Variants in MPP7 observed in about 807,000 individuals in gnomAD.
MPP7 encodes the protein MAGUK p55 scaffold protein 7, also known as MAGUK p55 subfamily member 7.
A neutral mutation model predicts 76.5 loss-of-function variants in MPP7; 60 were observed. The observed-to-expected ratio is 0.78, with a 90% CI of 0.64 to 0.97. The LOEUF (loss-of-function observed/expected upper bound fraction) is 0.97, where lower values mean the gene tolerates loss of function less well. MPP7 is among the 50% of genes least tolerant of loss of function. MPP7 has a pLI of 0.00. For synonymous variants in MPP7, 237 were observed against 244.5 expected (o/e 0.97, Z 0.29); for missense variants, 641 against 694.0 (o/e 0.92, Z 0.86).
intron 1 of MPP7, among the ~76,000 whole-genome samples, chr10:28,299,496 C>G (rs528336590): frequency 2.6e-4 from 40 of 152,242 alleles, no homozygotes; most frequent in Non-Finnish European, 3.5e-4. Flanking sequence ...TCAAAGATCA[C>G]TGACCAGAGA....
chr10:28,279,262 T>C (rs1840595919), intron 1 of MPP7, among the ~76,000 whole-genome samples: 1 of 152,022 alleles, frequency 6.6e-6, no homozygotes, highest in Admixed American at 6.6e-5. Flanking sequence ...CCCAAATAAA[T>C]CCATGCCTTC....
chr10:28,112,351 C>T (rs899302285), intron 11 of MPP7, among the ~76,000 whole-genome samples: 1 of 152,032 alleles, frequency 6.6e-6, no homozygotes, highest in African/African-American at 2.4e-5. Context: ...ATACTACACC[C>T]TCGATTAAAG....
intron 2 of MPP7, among the ~76,000 whole-genome samples, chr10:28,216,709 A>C (rs1838321311): frequency 6.6e-6 from 1 of 152,236 alleles, no homozygotes; most frequent in Non-Finnish European, 1.5e-5. Flanking sequence ...GGGCTTATTG[A>C]AACAATTATT....
chr10:28,096,253 TAATATC>T (rs891967009), intron 11 of MPP7, among the ~76,000 whole-genome samples: 3 of 152,192 alleles, frequency 2.0e-5, no homozygotes, highest in Non-Finnish European at 4.4e-5. Context: ...TCGGATTGAT[TAATATC>T]AATATCCATT....
chr10:28,271,713 C>T lies in MPP7; in HGVS notation c.-132+31148G>A, dbSNP rs896039194. On this transcript the variant is annotated intron_variant, in intron 1 of 16. Coordinates refer to ENST00000683449, the MANE Select transcript of MPP7 (RefSeq NM_001318170.2). ...CTGTGAGGCCTGGGGCAGTGGCTCA[C>T]GCCTGTAATCCCAGCACTTTGGGAG... Among the ~76,000 whole-genome samples, 4 of 152,130 alleles carry T rather than the reference C, an allele frequency of 2.6e-5. No homozygotes were observed. The South Asian group carries it at 6.2e-4, about 24-fold the overall frequency.
In MPP7 at chr10:28,191,022, T is replaced by C. The variant is rs182280140; in HGVS notation, c.156+11131A>G. Among the ~76,000 whole-genome samples, 888 of 152,232 alleles carry C rather than the reference T, an allele frequency of 5.8e-3. 5 individuals are homozygous for C. Among genetic ancestry groups the C allele is most frequent in the African/African-American group, 0.02 (845 of 41,528 alleles). On this transcript the variant is annotated intron_variant, in intron 3 of 16. Transcript: ENST00000683449. ...ATGAACAATTCTATGCCCTCAAATTTGATAAGTTAGATGATATACACCATT... is the reference window on the plus strand; with the variant it reads ...ATGAACAATTCTATGCCCTCAAATTCGATAAGTTAGATGATATACACCATT...
At chr10:28,061,841 G>T (rs1315281607) in intron 13 of MPP7, among the ~76,000 whole-genome samples, 1 of 15,694 alleles carries the variant, frequency 6.4e-5, no homozygotes, top group East Asian at 0.023. Flanking sequence ...AACTGTCACA[G>T]ATTTATTATA....
rs80323520 is a variant in MPP7 at position 28,265,277 on chromosome 10, C to T, written c.-131-26542G>A. ...CTCAGCTCATATCAAAATGCATTTACGCTGGGCATGGTGACTCAAGCTTGT... is the reference window on the plus strand; with the variant it reads ...CTCAGCTCATATCAAAATGCATTTATGCTGGGCATGGTGACTCAAGCTTGT... On this transcript the variant is annotated intron_variant, in intron 1 of 16. Transcript: ENST00000683449. Among the ~76,000 whole-genome samples, 723 of 152,222 alleles carry T rather than the reference C, an allele frequency of 4.7e-3. 7 individuals carry two copies. The highest frequency in any genetic ancestry group is 0.016 in the African/African-American group (654 of 41,520).
chr10:28,271,206 G>T (rs1020256823), intron 1 of MPP7, among the ~76,000 whole-genome samples: 3 of 152,146 alleles, frequency 2.0e-5, no homozygotes, highest in African/African-American at 7.2e-5. Context: ...TTTTTGGAAG[G>T]AGCAGAGAAA....
intron 11 of MPP7, among the ~76,000 whole-genome samples, chr10:28,096,015 C>T (rs1306195277): frequency 1.3e-5 from 2 of 152,152 alleles, no homozygotes; most frequent in Non-Finnish European, 2.9e-5. Flanking sequence ...ACAGACACCG[C>T]TTATCTAATA....
intron 2 of MPP7, among the ~76,000 whole-genome samples, chr10:28,206,723 T>C (rs1837960604): frequency 6.6e-6 from 1 of 152,202 alleles, no homozygotes; most frequent in Non-Finnish European, 1.5e-5. Flanking sequence ...TATTTTTGAT[T>C]ATTCGTGAGA....
intron 5 of MPP7, among the ~76,000 whole-genome samples, chr10:28,135,907 G>A (rs1175384903): frequency 6.6e-6 from 1 of 152,148 alleles, no homozygotes; most frequent in Non-Finnish European, 1.5e-5. Context: ...GACCTGTTAG[G>A]AACCAGGCCA....
At chr10:28,066,666 G>GA (rs1167651643) in intron 13 of MPP7, among the ~76,000 whole-genome samples, 1 of 152,176 alleles carries the variant, frequency 6.6e-6, no homozygotes. Flanking sequence ...TAGCACTCCA[G>GA]AATCACCTCT....
chr10:28,187,192 G>A (rs1220849499), intron 3 of MPP7, among the ~76,000 whole-genome samples: 4 of 152,110 alleles, frequency 2.6e-5, no homozygotes, highest in African/African-American at 7.2e-5. Context: ...GGGCACAGTC[G>A]CACTAAATAT....
At chr10:28,119,278 A>AT (rs932221189) in intron 11 of MPP7, among the ~76,000 whole-genome samples, 4 of 151,968 alleles carry the variant, frequency 2.6e-5, no homozygotes, top group African/African-American at 7.2e-5. Context: ...AAAATGGTAG[A>AT]TTTTTTTTCT....
chr10:28,296,623 A>G (rs1841042468), intron 1 of MPP7, among the ~76,000 whole-genome samples: 1 of 152,228 alleles, frequency 6.6e-6, no homozygotes, highest in Non-Finnish European at 1.5e-5. Flanking sequence ...AAGCAACCCA[A>G]TCAGTAATAA....
At chr10:28,132,082 A>G (rs1835212014) in intron 5 of MPP7, among the ~76,000 whole-genome samples, 1 of 152,218 alleles carries the variant, frequency 6.6e-6, no homozygotes, top group Non-Finnish European at 1.5e-5. Flanking sequence ...ATGCAATGTC[A>G]AATAGAGTCT....
At chr10:28,119,313 T>C (rs1244297780) in intron 11 of MPP7, among the ~76,000 whole-genome samples, 8 of 152,116 alleles carry the variant, frequency 5.3e-5, no homozygotes, top group African/African-American at 1.9e-4. Context: ...AAGAAATACC[T>C]AACCCAAACT....
At chr10:28,233,136 G>C (rs1838944661) in intron 2 of MPP7, among the ~76,000 whole-genome samples, 1 of 152,122 alleles carries the variant, frequency 6.6e-6, no homozygotes, top group Non-Finnish European at 1.5e-5. Flanking sequence ...TAACAATTCT[G>C]ATACTGCTAT....
Sources: gnomAD v4.1 joint callset for allele counts (sites outside exome capture counted in the v4.1 genomes callset) on GRCh38, gnomAD v4.1.1 for gene constraint, MANE v1.5 for transcripts, NCBI Gene and HGNC (gene_info 2026-07-23, HGNC 2026-07-21) for gene names.